MRC2: variants seen among roughly 807,000 people sequenced by gnomAD.
MRC2 encodes C-type mannose receptor 2.
MRC2 carries 84 observed loss-of-function variants against 206.2 expected under a neutral mutation model. That is an observed-to-expected ratio of 0.41 (90% CI 0.34 to 0.49). The LOEUF (loss-of-function observed/expected upper bound fraction) is 0.49, where lower values mean the gene tolerates loss of function less well. MRC2 is among the 20% of genes least tolerant of loss of function. The pLI is 0.31. For missense variants in MRC2, 1,676 were observed against 2,001.5 expected (o/e 0.84, Z 3.10); for synonymous variants, 798 against 800.0 (o/e 1.00, Z 0.04).
At position 62,666,998 on chromosome 17, in the gene MRC2, C is replaced by A; in HGVS notation, c.973+128C>A. 1.3e-6 allele frequency: 1 copy of A among 753,276 alleles called. No homozygotes were observed. The highest frequency in any genetic ancestry group is 2.2e-6 in the Non-Finnish European group (1 of 452,104). 46.7% of individuals were successfully genotyped at this position (753,276 alleles called of 1,614,324 possible). ...GGTAGGGGAAGCACCGACCTCCACCCCCCTCCCCAGACTGCGCCCCCCTAG... is the reference window on the plus strand; with the variant it reads ...GGTAGGGGAAGCACCGACCTCCACCACCCTCCCCAGACTGCGCCCCCCTAG... On this transcript the variant is annotated intron_variant, in intron 5 of 29. Coordinates refer to ENST00000303375, the MANE Select transcript of MRC2 (RefSeq NM_006039.5). This position sits in a 1 kb window ranked among gnomAD's most constrained non-coding sequence, Gnocchi z 5.0.
Position 62,664,054 on chromosome 17 carries a change from G to C in MRC2, c.119-494G>C, listed in dbSNP as rs905095564. Among the ~76,000 whole-genome samples, 2 of 150,168 alleles carry C rather than the reference G, an allele frequency of 1.3e-5. No homozygotes were observed. The highest frequency in any genetic ancestry group is 6.6e-5 in the Admixed American group (1 of 15,076). ...GGCTCACTGCAAGCTCCGCCTCCCG[G>C]GTTCACGCCATTCTCCTGCCTCAGC... On this transcript the variant is annotated intron_variant, in intron 1 of 29. Transcript: ENST00000303375. This position sits in a 1 kb window ranked among gnomAD's most constrained non-coding sequence, Gnocchi z 4.7.
chr17:62,644,516 C>T (rs1225468959), intron 1 of MRC2, among the ~76,000 whole-genome samples: 1 of 152,208 alleles, frequency 6.6e-6, no homozygotes, highest in African/African-American at 2.4e-5. Context: ...CCTTAGGCAA[C>T]ATAGCAAGAC....
chr17:62,665,006 C>T (rs778131533), intron 2 of MRC2, 57 bp downstream of exon 2: 390 of 1,518,384 alleles, frequency 2.6e-4, no homozygotes, highest in Non-Finnish European at 3.3e-4. Context: ...GGGACTGGAG[C>T]CATGAGGGAC....
chr17:62,645,527 ATTTTTT>A (rs1164231785), intron 1 of MRC2, among the ~76,000 whole-genome samples: 198 of 39,406 alleles, frequency 5.0e-3, no homozygotes, highest in Admixed American at 0.035. Flanking sequence ...ATATATATAT[ATTTTTT>A]TTTTTTTTTT....
Position 62,675,975 on chromosome 17 carries a change from C to A in MRC2, c.1685+70C>A. On this transcript the variant is annotated intron_variant, in intron 10 of 29. Transcript: ENST00000303375. This position sits in a 1 kb window ranked among gnomAD's most constrained non-coding sequence, Gnocchi z 4.1. ...GGCCTATTGTGGTCCCTTCAGCAAA[C>A]AGGGTAGCATCTGCCATCATGCCCA... The A allele has an allele frequency of 7.6e-7, 1 of 1,323,302 alleles. No homozygotes were observed. Among genetic ancestry groups the A allele is most frequent in the Non-Finnish European group, 1.1e-6 (1 of 922,608 alleles). The allele number at this position is 1,323,302 out of a possible 1,614,324, so 82.0% of individuals were successfully genotyped here.
rs544511873 is a variant in MRC2 at position 62,671,751 on chromosome 17, A to G, written c.1220A>G (p.Lys407Arg). ...QAEKRSWQESKKACLRGGGDL... is the reference protein window; with the variant it reads ...QAEKRSWQESRKACLRGGGDL... ...GAGAAGCGCAGCTGGCAGGAGTCCA[A>G]GAAGGCATGTCTACGGGGCGGTGGC... The change falls in exon 7 of 30, where the codon AAG becomes AGG. Residue 407 changes from lysine to arginine, a missense_variant. By Grantham distance (26) the Lys-to-Arg change is conservative. This residue lies in a region of MRC2 where 1,354 missense variants were observed against 1,636.6 expected (regional missense o/e 0.83). Coordinates refer to ENST00000303375, the MANE Select transcript of MRC2 (RefSeq NM_006039.5). This position sits in a 1 kb window ranked among gnomAD's most constrained non-coding sequence, Gnocchi z 4.5. The G allele has an allele frequency of 1.3e-4, 206 of 1,613,300 alleles. No homozygotes were observed. The highest frequency in any genetic ancestry group is 1.2e-3 in the East Asian group (55 of 44,876).
At chr17:62,690,868 C>T (rs1159890049) in intron 27 of MRC2, 81 bp from the exon 28 acceptor site, 21 of 1,488,088 alleles carry the variant, frequency 1.4e-5, no homozygotes, top group Admixed American at 2.4e-5. Context: ...GACAGGGAGT[C>T]GGTTCTAGAA....
At chr17:62,635,175 T>C (rs1487970494) in intron 1 of MRC2, among the ~76,000 whole-genome samples, 1 of 149,500 alleles carries the variant, frequency 6.7e-6, no homozygotes, top group Non-Finnish European at 1.5e-5. Flanking sequence ...ACCTGTTACT[T>C]CATTGCTATT....
intron 1 of MRC2, among the ~76,000 whole-genome samples, chr17:62,644,402 G>A (rs562608521): frequency 1.3e-5 from 2 of 152,212 alleles, no homozygotes; most frequent in Admixed American, 1.3e-4. Context: ...CTGGGCAAAA[G>A]AGAAAGACTC....
intron 1 of MRC2, among the ~76,000 whole-genome samples, chr17:62,645,514 TATATATATATA>T (rs2088467639): frequency 2.9e-5 from 2 of 69,026 alleles, no homozygotes; most frequent in African/African-American, 5.9e-5. Flanking sequence ...TATATATATA[TATATATATATA>T]TATTTTTTTT....
At chr17:62,674,870 C>G (rs535068748) in intron 9 of MRC2, among the ~76,000 whole-genome samples, 1 of 152,082 alleles carries the variant, frequency 6.6e-6, no homozygotes, top group Non-Finnish European at 1.5e-5. Context: ...GCCCTTGGCC[C>G]CCCCCAGCAG....
At position 62,676,622 on chromosome 17, in the gene MRC2, TAA is replaced by T. The variant is rs1461649184; in HGVS notation, c.1834+93_1834+94del. On this transcript the variant is annotated intron_variant, in intron 11 of 29. Transcript: ENST00000303375. ...AGCACCGAGCCCCAGGGCTTCCCCA[TAA>T]ACAGATCATTGGTGCACTGTGGTGT... 5 of 1,466,018 alleles carry T rather than the reference TAA, an allele frequency of 3.4e-6. No homozygotes were observed. In the African/African-American group the frequency reaches 7.1e-5, roughly 21 times the overall value. 90.8% of individuals were successfully genotyped at this position (1,466,018 alleles called of 1,614,324 possible). A position where few individuals can be genotyped will look rare whatever the true frequency, so the allele number is the denominator to read the frequency against.
chr17:62,666,377 A>T lies in MRC2; in HGVS notation c.695-78A>T. On this transcript the variant is annotated intron_variant, in intron 3 of 29. Coordinates refer to ENST00000303375, the MANE Select transcript of MRC2 (RefSeq NM_006039.5). This position sits in a 1 kb window ranked among gnomAD's most constrained non-coding sequence, Gnocchi z 5.0. The stretch of plus-strand genomic sequence containing the variant: ...TACTGCCCCCTCCCCTACCTAGTGT[A>T]GCCTTTTGGTGGGGGAGGGTCTGCA... The T allele has an allele frequency of 6.2e-7, 1 of 1,602,840 alleles. No individual in the cohort carries two copies. Among genetic ancestry groups the T allele is most frequent in the Non-Finnish European group, 8.5e-7 (1 of 1,175,726 alleles).
At chr17:62,661,921 TA>T (rs1225329106) in intron 1 of MRC2, among the ~76,000 whole-genome samples, 2 of 152,228 alleles carry the variant, frequency 1.3e-5, no homozygotes, top group Non-Finnish European at 2.9e-5. Context: ...ATAATATTTT[TA>T]AATTTTTTCT....
At chr17:62,677,520 G>T in intron 12 of MRC2, 34 bp downstream of exon 12, 1 of 1,546,806 alleles carries the variant, frequency 6.5e-7, no homozygotes, top group East Asian at 2.3e-5. Flanking sequence ...AGGGGGCAGG[G>T]GGAGGACAGG....
At chr17:62,683,443 G>C (rs938048792) in intron 20 of MRC2, among the ~76,000 whole-genome samples, 1 of 150,518 alleles carries the variant, frequency 6.6e-6, no homozygotes, top group Non-Finnish European at 1.5e-5. Flanking sequence ...ACTCCAGCCT[G>C]GGCAACAAAA....
intron 1 of MRC2, among the ~76,000 whole-genome samples, chr17:62,639,933 A>C (rs1010953663): frequency 1.3e-5 from 2 of 151,778 alleles, no homozygotes; most frequent in African/African-American, 4.8e-5. Context: ...GGCTCACTGC[A>C]ACCTCTGCCT....
chr17:62,630,104 C>T (rs2084204850), intron 1 of MRC2, among the ~76,000 whole-genome samples: 1 of 152,132 alleles, frequency 6.6e-6, no homozygotes, highest in African/African-American at 2.4e-5. Flanking sequence ...AGCCTTGAGC[C>T]AAGTTCTTGG....
chr17:62,660,349 C>A (rs2088665896), intron 1 of MRC2, among the ~76,000 whole-genome samples: 1 of 152,176 alleles, frequency 6.6e-6, no homozygotes, highest in Admixed American at 6.5e-5. Context: ...ATAGAAATTC[C>A]TTCTACAGAT....
Sources: gnomAD v4.1 joint callset for allele counts (sites outside exome capture counted in the v4.1 genomes callset) on GRCh38, gnomAD v4.1.1 for gene constraint, gnomAD v4.1.1 regional missense constraint, Gnocchi (gnomAD v3.1) non-coding constraint, MANE v1.5 for transcripts, NCBI Gene and HGNC (gene_info 2026-07-23, HGNC 2026-07-21) for gene names.